Variants in CHST11 observed in about 807,000 individuals in gnomAD.
CHST11 encodes the protein C4S-1.
In CHST11, 9 loss-of-function variants were observed where a neutral mutation model predicts 30.4. That is an observed-to-expected ratio of 0.30 (90% CI 0.18 to 0.52). The LOEUF (loss-of-function observed/expected upper bound fraction) is 0.52. Among genes scored for constraint, CHST11 ranks in the 20% least tolerant of loss-of-function variants. The pLI, the probability that CHST11 is intolerant of heterozygous loss-of-function variation, is 0.97. For synonymous variants in CHST11, 152 were observed against 187.8 expected (o/e 0.81, Z 1.56); for missense variants, 348 against 460.6 (o/e 0.76, Z 2.24).
chr12:104,579,419 T>A (rs2038717058), intron 1 of CHST11, among the ~76,000 whole-genome samples: 1 of 152,168 alleles, frequency 6.6e-6, no homozygotes, highest in South Asian at 2.1e-4. Context: ...CAGCGATTGA[T>A]CTTGTGACCT....
intron 2 of CHST11, among the ~76,000 whole-genome samples, chr12:104,654,374 T>C (rs556528526): frequency 6.6e-6 from 1 of 152,138 alleles, no homozygotes; most frequent in Non-Finnish European, 1.5e-5. Context: ...CGTGAGAAGC[T>C]GCTTGATTGT....
At chr12:104,641,573 A>G (rs1437689716) in intron 2 of CHST11, among the ~76,000 whole-genome samples, 3 of 152,232 alleles carry the variant, frequency 2.0e-5, no homozygotes, top group African/African-American at 7.2e-5. Flanking sequence ...CAAAGGGGTC[A>G]GGGAAGTATC....
chr12:104,729,643 T>G lies in CHST11; in HGVS notation c.205-27306T>G, dbSNP rs1366474353. On this transcript the variant is annotated intron_variant, in intron 2 of 2. Transcript: ENST00000303694. The surrounding 1 kb of genome is among the most constrained non-coding windows in gnomAD (Gnocchi z 4.0). ...AGAAGCAGCGTAAGGTCTAGCGTATTGTCTTCTCGCAACTTGAACCTTGCT... is the reference window on the plus strand; with the variant it reads ...AGAAGCAGCGTAAGGTCTAGCGTATGGTCTTCTCGCAACTTGAACCTTGCT... Among the ~76,000 whole-genome samples the G allele has an allele frequency of 6.6e-6, 1 of 152,174 alleles. No homozygotes were observed. The highest frequency in any genetic ancestry group is 1.5e-5 in the Non-Finnish European group (1 of 68,034).
chr12:104,703,890 G>A (rs2040010596), intron 2 of CHST11, among the ~76,000 whole-genome samples: 1 of 152,206 alleles, frequency 6.6e-6, no homozygotes, highest in Non-Finnish European at 1.5e-5. Flanking sequence ...TCGACGCCTG[G>A]TTTTGAGGAT....
chr12:104,653,997 G>T (rs1362905456), intron 2 of CHST11, among the ~76,000 whole-genome samples: 1 of 152,184 alleles, frequency 6.6e-6, no homozygotes, highest in Non-Finnish European at 1.5e-5. Context: ...TCTCGAGCAA[G>T]CCGTAGATAT....
At chr12:104,607,324 G>A (rs753820943) in intron 2 of CHST11, among the ~76,000 whole-genome samples, 18 of 151,064 alleles carry the variant, frequency 1.2e-4, no homozygotes, top group African/African-American at 4.2e-4. Context: ...GGGCAGTTGC[G>A]GGGGACTCTC....
At chr12:104,499,265 G>C (rs2037829507) in intron 1 of CHST11, among the ~76,000 whole-genome samples, 1 of 152,196 alleles carries the variant, frequency 6.6e-6, no homozygotes, top group Non-Finnish European at 1.5e-5. Flanking sequence ...GAGGCCAAGG[G>C]GTAGGAGTGT....
intron 2 of CHST11, among the ~76,000 whole-genome samples, chr12:104,708,723 G>C (rs937137429): frequency 6.6e-6 from 1 of 152,156 alleles, no homozygotes; most frequent in African/African-American, 2.4e-5. Flanking sequence ...ACCACAGTCT[G>C]GGCCATGTAG....
At chr12:104,756,885 G>C (rs966020343) in intron 2 of CHST11, 64 bp from the exon 3 acceptor site, 18 of 1,544,084 alleles carry the variant, frequency 1.2e-5, no homozygotes, top group Non-Finnish European at 1.5e-5. Context: ...TGATCTACTT[G>C]TAGCCAAGTG....
chr12:104,639,031 G>A (rs1592809607), intron 2 of CHST11, among the ~76,000 whole-genome samples: 2 of 152,308 alleles, frequency 1.3e-5, no homozygotes, highest in Non-Finnish European at 2.9e-5. Flanking sequence ...TGTCAGTCTT[G>A]CTAGTCTGTG....
At chr12:104,711,964 C>T (rs143188531) in intron 2 of CHST11, among the ~76,000 whole-genome samples, 76 of 152,166 alleles carry the variant, frequency 5.0e-4, no homozygotes, top group African/African-American at 1.8e-3. Context: ...ACAGGCAGCA[C>T]CTGATGTTGG....
intron 1 of CHST11, among the ~76,000 whole-genome samples, chr12:104,505,738 C>G (rs2037898735): frequency 6.6e-6 from 1 of 152,196 alleles, no homozygotes; most frequent in Non-Finnish European, 1.5e-5. Context: ...AGGTTATTGG[C>G]CTTGGCAAGC....
At chr12:104,603,922 G>A (rs183675931) in intron 2 of CHST11, among the ~76,000 whole-genome samples, 1 of 152,312 alleles carries the variant, frequency 6.6e-6, no homozygotes, top group Non-Finnish European at 1.5e-5. Flanking sequence ...GCTCCTTCAT[G>A]GGTTCATTCA....
intron 1 of CHST11, among the ~76,000 whole-genome samples, chr12:104,520,193 A>T (rs2038061976): frequency 6.6e-6 from 1 of 152,240 alleles, no homozygotes; most frequent in African/African-American, 2.4e-5. Context: ...GGGAGGCTTC[A>T]GGACAGTCTC....
At chr12:104,639,817 T>C (rs1269581081) in intron 2 of CHST11, among the ~76,000 whole-genome samples, 1 of 152,070 alleles carries the variant, frequency 6.6e-6, no homozygotes, top group Non-Finnish European at 1.5e-5. Context: ...CAGCTTGTGT[T>C]TGCAAAACAC....
chr12:104,494,879 G>T (rs1156535426), intron 1 of CHST11, among the ~76,000 whole-genome samples: 2 of 152,102 alleles, frequency 1.3e-5, no homozygotes, highest in East Asian at 1.9e-4. Flanking sequence ...GTCAGCAGTG[G>T]TAAGTATATT....
At position 104,549,958 on chromosome 12, in the gene CHST11, A is replaced by T. The variant is rs571548477; in HGVS notation, c.119-51948A>T. Among the ~76,000 whole-genome samples, 3 of 152,212 alleles carry T rather than the reference A, an allele frequency of 2.0e-5. No homozygotes were observed. The South Asian group carries it at 6.2e-4, about 32-fold the overall frequency. On this transcript the variant is annotated intron_variant, in intron 1 of 2. Transcript: ENST00000303694. Reference sequence around the variant, plus strand: ...ACATGGACCCTGTTTTGAAACGATGACTCACTTCAGCTAGAGGAGAAGCCT... The same window carrying T: ...ACATGGACCCTGTTTTGAAACGATGTCTCACTTCAGCTAGAGGAGAAGCCT...
intron 2 of CHST11, among the ~76,000 whole-genome samples, chr12:104,645,464 A>G (rs2039418380): frequency 6.6e-6 from 1 of 152,144 alleles, no homozygotes; most frequent in African/African-American, 2.4e-5. Flanking sequence ...CTTTGCAAGA[A>G]ATATTTGTGT....
chr12:104,616,005 T>C (rs1305665585), intron 2 of CHST11, among the ~76,000 whole-genome samples: 1 of 152,178 alleles, frequency 6.6e-6, no homozygotes, highest in Admixed American at 6.5e-5. Flanking sequence ...TCCGGACATG[T>C]GAAGTGCTCA....
Sources: gnomAD v4.1 joint callset for allele counts (sites outside exome capture counted in the v4.1 genomes callset) on GRCh38, gnomAD v4.1.1 for gene constraint, Gnocchi (gnomAD v3.1) non-coding constraint, MANE v1.5 for transcripts, NCBI Gene and HGNC (gene_info 2026-07-23, HGNC 2026-07-21) for gene names.